GALNT13: variants seen among roughly 807,000 people sequenced by gnomAD.
The protein encoded by GALNT13 is polypeptide N-acetylgalactosaminyltransferase 13.
GALNT13 carries 28 observed loss-of-function variants against 64.2 expected under a neutral mutation model. The ratio of observed to expected loss-of-function variants is 0.44; its 90% CI spans 0.32 to 0.60. The LOEUF is 0.60. Ranked by LOEUF, GALNT13 falls within the 20% of genes least tolerant of loss-of-function variation. The probability of loss-of-function intolerance (pLI) is 0.05; values close to 1 mark genes in which losing one functional copy is unlikely to be tolerated. For synonymous variants in GALNT13, 214 were observed against 224.6 expected (o/e 0.95, Z 0.42); for missense variants, 577 against 669.8 (o/e 0.86, Z 1.53).
At chr2:153,600,175 G>T in the GALNT13 span, among the ~76,000 whole-genome samples, 1 of 151,968 alleles carries the variant, frequency 6.6e-6, no homozygotes, top group African/African-American at 2.4e-5. Flanking sequence ...AGTTCATGCC[G>T]TGTACATGCA....
At chr2:153,845,893 A>G in the GALNT13 span, among the ~76,000 whole-genome samples, 5 of 152,214 alleles carry the variant, frequency 3.3e-5, no homozygotes, top group African/African-American at 1.2e-4. Context: ...AGAATAAACA[A>G]TAAGAGCAAA....
At chr2:153,818,266 C>G in the GALNT13 span, among the ~76,000 whole-genome samples, 1 of 152,172 alleles carries the variant, frequency 6.6e-6, no homozygotes, top group Non-Finnish European at 1.5e-5. Flanking sequence ...TTTGTAGAGT[C>G]GCTGCTCAAG....
the GALNT13 span, among the ~76,000 whole-genome samples, chr2:153,247,776 G>A: frequency 5.3e-5 from 8 of 152,048 alleles, no homozygotes; most frequent in Non-Finnish European, 7.4e-5. Flanking sequence ...GAATCCAGGA[G>A]GTGGTTTTTT....
At chr2:153,579,620 C>A in the GALNT13 span, among the ~76,000 whole-genome samples, 1 of 152,130 alleles carries the variant, frequency 6.6e-6, no homozygotes, top group Non-Finnish European at 1.5e-5. Flanking sequence ...TTATTCCTTA[C>A]AGCAGCGGTC....
rs200957114 is a variant in GALNT13, at chr2:154,395,987, C to T, written c.1157-4C>T. ...CTGATTTGTGTTTCTCTGAAAAATTCCAGGTGTTGTCAAAGTGGATTATGG... is the reference window on the plus strand; with the variant it reads ...CTGATTTGTGTTTCTCTGAAAAATTTCAGGTGTTGTCAAAGTGGATTATGG... On this transcript the variant is annotated splice_polypyrimidine_tract_variant and splice_region_variant and intron_variant, in intron 9 of 12. Transcript: ENST00000392825. 1.3e-3 allele frequency: 1,991 copies of T among 1,583,334 alleles called. 2 individuals are homozygous for T. Among genetic ancestry groups the T allele is most frequent in the Non-Finnish European group, 1.6e-3 (1,862 of 1,166,784 alleles).
chr2:154,022,233 G>A (rs1388440646), intron 3 of GALNT13, among the ~76,000 whole-genome samples: 1 of 152,146 alleles, frequency 6.6e-6, no homozygotes, highest in African/African-American at 2.4e-5. Flanking sequence ...GAGTTAGGGA[G>A]GATTCTCTCT....
chr2:154,024,400 C>G (rs993860826), intron 3 of GALNT13, among the ~76,000 whole-genome samples: 33 of 151,426 alleles, frequency 2.2e-4, no homozygotes, highest in Admixed American at 1.6e-3. Flanking sequence ...CATTTCTTTT[C>G]TTTTTTCTCT....
At chr2:154,247,958 G>T (rs561512509) in intron 7 of GALNT13, among the ~76,000 whole-genome samples, 1 of 152,066 alleles carries the variant, frequency 6.6e-6, no homozygotes, top group African/African-American at 2.4e-5. Context: ...CCTTCTACTT[G>T]TAATCTATTG....
At chr2:154,193,838 A>G (rs1686731807) in intron 4 of GALNT13, among the ~76,000 whole-genome samples, 1 of 152,118 alleles carries the variant, frequency 6.6e-6, no homozygotes, top group South Asian at 2.1e-4. Flanking sequence ...CCTAACCTCA[A>G]TTTCCAAGTC....
At chr2:153,371,826 C>T in the GALNT13 span, among the ~76,000 whole-genome samples, 1 of 152,194 alleles carries the variant, frequency 6.6e-6, no homozygotes, top group Admixed American at 6.5e-5. Context: ...CCTCAAATAC[C>T]TGGTGATCTT....
At chr2:153,108,944 A>T in the GALNT13 span, among the ~76,000 whole-genome samples, 3 of 152,172 alleles carry the variant, frequency 2.0e-5, no homozygotes, top group East Asian at 5.8e-4. Context: ...TTACAAATGT[A>T]TTTACAGAGA....
At chr2:153,817,946 C>T in the GALNT13 span, among the ~76,000 whole-genome samples, 1 of 151,970 alleles carries the variant, frequency 6.6e-6, no homozygotes, top group Non-Finnish European at 1.5e-5. Context: ...GTGCACTGCT[C>T]GCATGGAAAG....
the GALNT13 span, among the ~76,000 whole-genome samples, chr2:153,436,607 T>C: frequency 3.3e-5 from 5 of 152,246 alleles, no homozygotes; most frequent in Admixed American, 2.6e-4. Flanking sequence ...TTTTCTAGTT[T>C]ATTTGCATAG....
the GALNT13 span, among the ~76,000 whole-genome samples, chr2:153,091,772 A>T: frequency 0.2 from 30,012 of 151,948 alleles, 3,310 homozygotes; most frequent in Non-Finnish European, 0.26. Flanking sequence ...TTTGCAAATA[A>T]TTTCTCCCAT....
At chr2:153,451,635 G>A in the GALNT13 span, among the ~76,000 whole-genome samples, 3 of 152,174 alleles carry the variant, frequency 2.0e-5, no homozygotes, top group Non-Finnish European at 4.4e-5. Flanking sequence ...ACCAAAACTA[G>A]CGTTTTACAG....
the GALNT13 span, among the ~76,000 whole-genome samples, chr2:153,482,298 A>G: frequency 8.5e-5 from 13 of 152,190 alleles, no homozygotes; most frequent in Admixed American, 8.5e-4. Flanking sequence ...CAACAGAAGG[A>G]AAAAACAGAA....
the GALNT13 span, among the ~76,000 whole-genome samples, chr2:153,827,466 A>G: frequency 6.6e-6 from 1 of 152,184 alleles, no homozygotes; most frequent in South Asian, 2.1e-4. Flanking sequence ...TACTACAAAT[A>G]CAAAAAAAAT....
At chr2:154,405,577 T>A (rs1195369824) in intron 10 of GALNT13, among the ~76,000 whole-genome samples, 1 of 121,290 alleles carries the variant, frequency 8.2e-6, no homozygotes, top group Non-Finnish European at 1.7e-5. Context: ...TGTAACCCCA[T>A]CTCTTCTAAA....
intron 2 of GALNT13, among the ~76,000 whole-genome samples, chr2:153,923,378 A>G (rs533375878): frequency 6.6e-6 from 1 of 152,260 alleles, no homozygotes; most frequent in African/African-American, 2.4e-5. Flanking sequence ...TAATAGAACC[A>G]ATTACATTCG....
Sources: allele counts gnomAD v4.1 joint callset (sites outside exome capture counted in the v4.1 genomes callset), GRCh38; gene constraint gnomAD v4.1.1; transcripts MANE v1.5; gene names NCBI Gene and HGNC (gene_info 2026-07-23, HGNC 2026-07-21).